The following EYS variants were observed in gnomAD, a reference collection of about 807,000 sequenced individuals.
The protein encoded by EYS is EGF-like photoreceptor maintenance factor, also known as protein eyes shut homolog.
In EYS, 250 loss-of-function variants were observed where a neutral mutation model predicts 282.1. The observed-to-expected ratio is 0.89, with a 90% CI of 0.80 to 0.98. The LOEUF (loss-of-function observed/expected upper bound fraction) is 0.98. EYS is among the 50% of genes least tolerant of loss of function. The pLI is 0.00. For missense variants in EYS, 4,016 were observed against 3,709.0 expected, an observed-to-expected ratio of 1.08 and a Z score of -2.15; for synonymous variants, 1,355 against 1,282.9, an observed-to-expected ratio of 1.06 and a Z score of -1.20.
intron 39 of EYS, 102 bp from the exon 40 acceptor site, chr6:63,778,282 A>C: frequency 1.7e-6 from 2 of 1,186,310 alleles, no homozygotes; most frequent in Non-Finnish European, 2.4e-6. Context: ...TTTCAAAATA[A>C]AGTAATACAT....
intron 5 of EYS, among the ~76,000 whole-genome samples, chr6:65,450,997 C>A (rs4422601): frequency 0.19 from 28,131 of 152,002 alleles, 3,247 homozygotes; most frequent in Middle Eastern, 0.3. Flanking sequence ...TATATACATG[C>A]TTTGTACTCA....
intron 18 of EYS, among the ~76,000 whole-genome samples, chr6:64,901,152 C>A (rs13213725): frequency 0.087 from 13,261 of 151,612 alleles, 677 homozygotes; most frequent in African/African-American, 0.14. Flanking sequence ...AGAAAACCAA[C>A]CACTGCATGT....
intron 30 of EYS, among the ~76,000 whole-genome samples, chr6:64,294,368 G>A (rs1286391076): frequency 6.6e-6 from 1 of 152,202 alleles, no homozygotes; most frequent in Non-Finnish European, 1.5e-5. Flanking sequence ...TTTAAAAAAT[G>A]TGTCACTGAG....
In EYS at chr6:63,825,264, T is replaced by A. The variant is rs1386483377; in HGVS notation, c.7229-18892A>T. 2.6e-5 allele frequency among the ~76,000 whole-genome samples: 4 copies of A among 152,166 alleles called. No homozygotes were observed. In the South Asian group the frequency reaches 8.3e-4, roughly 32 times the overall value. On this transcript the variant is annotated intron_variant, in intron 36 of 42. Coordinates refer to ENST00000503581, the MANE Select transcript of EYS (RefSeq NM_001142800.2). The stretch of plus-strand genomic sequence containing the variant: ...CACAGCAAAACCTATACAAGGAGAC[T>A]CTGAGCTTAGACATGCCTAGCCCTG...
chr6:65,023,656 G>A (rs1333923264), intron 13 of EYS, among the ~76,000 whole-genome samples: 3 of 152,190 alleles, frequency 2.0e-5, no homozygotes, highest in Non-Finnish European at 2.9e-5. Flanking sequence ...TTCCAGTTTT[G>A]AAACCAGTTG....
rs116087803 is a variant in EYS, at chr6:63,983,779, A to G, written c.7055+604T>C. ...TTGGGAATATGTTTTACACTGTTCA[A>G]ATGAGACTCCCTCAGGGTTGATTCA... On this transcript the variant is annotated intron_variant, in intron 35 of 42. Transcript: ENST00000503581. 4.3e-3 allele frequency among the ~76,000 whole-genome samples: 654 copies of G among 151,912 alleles called. 3 individuals carry two copies. Among genetic ancestry groups the G allele is most frequent in the African/African-American group, 0.015 (630 of 41,526 alleles).
chr6:64,872,888 C>T (rs1001100520), intron 19 of EYS, among the ~76,000 whole-genome samples: 1 of 151,354 alleles, frequency 6.6e-6, no homozygotes, highest in Non-Finnish European at 1.5e-5. Context: ...AGTGCAGTCA[C>T]ACTTAGTAAA....
At chr6:64,866,036 G>T (rs368957063) in intron 19 of EYS, among the ~76,000 whole-genome samples, 2 of 152,068 alleles carry the variant, frequency 1.3e-5, no homozygotes, top group Non-Finnish European at 2.9e-5. Flanking sequence ...TTAAGTAAAA[G>T]ATTATGATTT....
intron 4 of EYS, among the ~76,000 whole-genome samples, chr6:65,493,398 T>C (rs1281170880): frequency 1.3e-5 from 2 of 152,194 alleles, no homozygotes; most frequent in African/African-American, 2.4e-5. Context: ...CCAAAATACA[T>C]ACCAATCTGC....
chr6:65,267,707 T>C (rs558049960), intron 12 of EYS, among the ~76,000 whole-genome samples: 1 of 152,122 alleles, frequency 6.6e-6, no homozygotes, highest in East Asian at 1.9e-4. Flanking sequence ...GTAACTATCA[T>C]GCAACCAGCT....
intron 31 of EYS, among the ~76,000 whole-genome samples, chr6:64,153,100 T>A (rs1022880986): frequency 2.6e-5 from 4 of 152,178 alleles, no homozygotes; most frequent in Admixed American, 6.5e-5. Flanking sequence ...CTAACAACTT[T>A]ACATCCATTA....
intron 26 of EYS, among the ~76,000 whole-genome samples, chr6:64,582,584 C>T (rs1176564170): frequency 5.0e-5 from 7 of 139,602 alleles, no homozygotes; most frequent in South Asian, 2.3e-4. Flanking sequence ...AATCCTTGGT[C>T]TTTTTTTTTT....
chr6:65,616,513 C>T (rs574129068), intron 2 of EYS, among the ~76,000 whole-genome samples: 4 of 152,168 alleles, frequency 2.6e-5, no homozygotes, highest in East Asian at 1.9e-4. Flanking sequence ...TTAGGCCGGG[C>T]GCAGTGGATC....
intron 36 of EYS, among the ~76,000 whole-genome samples, chr6:63,842,087 T>C (rs1315480156): frequency 6.6e-6 from 1 of 152,192 alleles, no homozygotes; most frequent in Non-Finnish European, 1.5e-5. Context: ...GCATGTGTCT[T>C]TATAGTAGAA....
intron 35 of EYS, among the ~76,000 whole-genome samples, chr6:63,900,505 G>A (rs1019374034): frequency 1.8e-4 from 28 of 152,218 alleles, no homozygotes; most frequent in African/African-American, 6.3e-4. Context: ...TAAGGATTGA[G>A]GCTGTGCACA....
At chr6:65,283,409 T>A (rs1768276592) in intron 12 of EYS, among the ~76,000 whole-genome samples, 2 of 152,068 alleles carry the variant, frequency 1.3e-5, no homozygotes, top group South Asian at 4.1e-4. Context: ...CTTTTGATTA[T>A]TATTTGTTAG....
chr6:64,389,082 C>G (rs1476353923), intron 28 of EYS, among the ~76,000 whole-genome samples: 4 of 152,016 alleles, frequency 2.6e-5, no homozygotes, highest in Non-Finnish European at 5.9e-5. Flanking sequence ...TAAATAAATC[C>G]TGATAAACAG....
intron 12 of EYS, among the ~76,000 whole-genome samples, chr6:65,266,899 T>C (rs1279478124): frequency 2.7e-5 from 4 of 149,922 alleles, no homozygotes; most frequent in Non-Finnish European, 5.9e-5. Flanking sequence ...TATATATATA[T>C]ATATATATAC....
chr6:65,377,992 C>A (rs533847634), intron 8 of EYS, among the ~76,000 whole-genome samples: 1 of 152,114 alleles, frequency 6.6e-6, no homozygotes, highest in East Asian at 1.9e-4. Flanking sequence ...GGAGCTGGGA[C>A]CATTCCTTCT....
Sources: allele counts gnomAD v4.1 joint callset (sites outside exome capture counted in the v4.1 genomes callset), GRCh38; gene constraint gnomAD v4.1.1; transcripts MANE v1.5; gene names NCBI Gene and HGNC (gene_info 2026-07-23, HGNC 2026-07-21).